HBP1: variants seen among roughly 807,000 people sequenced by gnomAD.
HBP1 encodes the protein HMG box-containing protein 1.
Under a neutral mutation model 62.6 loss-of-function variants are expected in HBP1, and 20 were observed. The observed-to-expected ratio is 0.32, with a 90% CI of 0.22 to 0.46. The LOEUF is 0.46. HBP1 is among the 20% of genes least tolerant of loss of function. The pLI is 1.00. For synonymous variants in HBP1, 232 were observed against 206.2 expected, an observed-to-expected ratio of 1.12 and a Z score of -1.07; for missense variants, 480 against 611.8, an observed-to-expected ratio of 0.78 and a Z score of 2.27.
chr7:107,179,390 T>A (rs1797004034), intron 1 of HBP1, among the ~76,000 whole-genome samples: 1 of 152,182 alleles, frequency 6.6e-6, no homozygotes, highest in Admixed American at 6.5e-5. Context: ...TAGTGCTGAG[T>A]ATTCAGTTGT....
Position 107,169,178 on chromosome 7 carries a change from C to T in HBP1, c.-23C>T. 1.0e-6 allele frequency: 1 copy of T among 969,030 alleles called. No individual in the cohort carries two copies. The highest frequency in any genetic ancestry group is 2.4e-5 in the South Asian group (1 of 40,910). 60.0% of individuals were successfully genotyped at this position (969,030 alleles called of 1,614,324 possible). On this transcript the variant is annotated 5_prime_UTR_variant, in exon 1 of 11. Coordinates refer to ENST00000222574, the MANE Select transcript of HBP1 (RefSeq NM_012257.4). ...GCCCGCGCCTGGGCTGCCGGCACTTCGCGGCAGGTTTGTTGTCTTTCAGTT... is the reference window on the plus strand; with the variant it reads ...GCCCGCGCCTGGGCTGCCGGCACTTTGCGGCAGGTTTGTTGTCTTTCAGTT...
chr7:107,190,412 C>G (rs1445008095), intron 8 of HBP1, 95 bp downstream of exon 8: 7 of 753,814 alleles, frequency 9.3e-6, no homozygotes, highest in Non-Finnish European at 1.5e-5. Flanking sequence ...GAAGTTCAGT[C>G]TTTAAAGATT....
At chr7:107,170,971 TAAC>T (rs1014370211) in intron 1 of HBP1, among the ~76,000 whole-genome samples, 147 of 141,712 alleles carry the variant, frequency 1.0e-3, no homozygotes, top group Non-Finnish European at 1.7e-3. Flanking sequence ...ATAAAATATA[TAAC>T]ATACATGTAT....
chr7:107,186,164 TTC>T (rs1388931656), intron 4 of HBP1, among the ~76,000 whole-genome samples, 195 bp from the exon 5 acceptor site: 10 of 145,968 alleles, frequency 6.9e-5, no homozygotes, highest in Non-Finnish European at 1.0e-4. Flanking sequence ...TTCTTTTTTT[TTC>T]TTTTTTTTTT....
intron 1 of HBP1, among the ~76,000 whole-genome samples, chr7:107,176,210 G>C (rs1796843742): frequency 6.6e-6 from 1 of 151,614 alleles, no homozygotes; most frequent in Admixed American, 6.6e-5. Context: ...ATTTTTAGTA[G>C]AGACTGAGTT....
At chr7:107,185,056 T>C (rs1797287357) in intron 3 of HBP1, among the ~76,000 whole-genome samples, 1 of 152,136 alleles carries the variant, frequency 6.6e-6, no homozygotes, top group Non-Finnish European at 1.5e-5. Flanking sequence ...GAATATCTGG[T>C]CTGTTTGTGA....
intron 1 of HBP1, among the ~76,000 whole-genome samples, chr7:107,176,125 A>G (rs1191453384): frequency 1.3e-5 from 2 of 151,304 alleles, no homozygotes. Context: ...TCCCGGGTTC[A>G]AGCGATTCTC....
intron 10 of HBP1, chr7:107,201,179 T>A (rs1798262651): frequency 5.3e-6 from 2 of 378,096 alleles, no homozygotes; most frequent in East Asian, 8.0e-5. Context: ...GAATTTCATG[T>A]GTTCGGACTT....
chr7:107,176,900 T>G (rs1267258566), intron 1 of HBP1, among the ~76,000 whole-genome samples: 1 of 152,192 alleles, frequency 6.6e-6, no homozygotes, highest in East Asian at 1.9e-4. Context: ...AGCGTTAATT[T>G]CTTCCAAATT....
intron 3 of HBP1, among the ~76,000 whole-genome samples, chr7:107,182,981 G>A (rs1298218631): frequency 6.6e-6 from 1 of 152,000 alleles, no homozygotes; most frequent in Non-Finnish European, 1.5e-5. Flanking sequence ...TTTGGTCTAG[G>A]TTTATTTCTT....
Position 107,196,013 on chromosome 7 carries a change from A to C in HBP1, c.1247A>C (p.Lys416Thr). ...SQLSSNSLYA[K>T]AVKNHSSGTV... The stretch of plus-strand genomic sequence containing the variant: ...CTCTCTTCCAATTCTTTGTATGCTA[A>C]AGCTGTCAAAAACCACAGCTCAGGG... Residue 416 changes from lysine to threonine, a missense_variant, in exon 9 of 11, where the codon AAA becomes ACA. Transcript: ENST00000222574. 3 of 1,614,060 alleles carry C rather than the reference A, an allele frequency of 1.9e-6. No homozygotes were observed. The highest frequency in any genetic ancestry group is 1.6e-4 in the Middle Eastern group (1 of 6,062).
chr7:107,191,397 T>C (rs568044731), intron 8 of HBP1, among the ~76,000 whole-genome samples: 17 of 152,306 alleles, frequency 1.1e-4, no homozygotes, highest in Non-Finnish European at 2.5e-4. Flanking sequence ...ACTCCTATGT[T>C]TTGGTGAGAC....
At chr7:107,186,143 GTGTCTTTTTTT>G (rs1394427907) in intron 4 of HBP1, among the ~76,000 whole-genome samples, 1 of 134,516 alleles carries the variant, frequency 7.4e-6, no homozygotes, top group African/African-American at 2.7e-5. Flanking sequence ...TGTTTTGTGT[GTGTCTTTTTTT>G]TCTTTTTTTT....
Position 107,186,660 on chromosome 7 carries a change from T to A in HBP1, c.744T>A (p.Asp248Glu). 6.2e-7 allele frequency: 1 copy of A among 1,601,714 alleles called. No homozygotes were observed. Among genetic ancestry groups the A allele is most frequent in the Non-Finnish European group, 8.5e-7 (1 of 1,170,882 alleles). The change falls in exon 6 of 11, where the codon GAT becomes GAA. Residue 248 changes from aspartate (D) to glutamate (E), a missense_variant. Around this residue, in one of 4 missense-constraint regions of HBP1, gnomAD observed 304 missense variants for 330.9 expected, o/e 0.92. Coordinates refer to ENST00000222574, the MANE Select transcript of HBP1 (RefSeq NM_012257.4). Reference protein sequence around the residue: ...ARAEGCDNEEDLQMGIHKGYG... With the variant: ...ARAEGCDNEEELQMGIHKGYG... ...CTGAAGGCTGTGATAATGAGGAAGA[T>A]CTTCAAATGGGCATTCACAAGGTTG...
chr7:107,179,215 A>T (rs937894860), intron 1 of HBP1, among the ~76,000 whole-genome samples: 2 of 148,810 alleles, frequency 1.3e-5, no homozygotes, highest in African/African-American at 2.4e-5. Flanking sequence ...TTCCTTTTGA[A>T]TTTGAAGGTA....
chr7:107,182,587 C>T lies in HBP1; in HGVS notation c.384C>T (p.Cys128=), dbSNP rs758054442. 1 of 1,566,510 alleles carries T rather than the reference C, an allele frequency of 6.4e-7. No homozygotes were observed. Among genetic ancestry groups the T allele is most frequent in the Non-Finnish European group, 8.8e-7 (1 of 1,137,250 alleles). Reference sequence around the variant, plus strand: ...GTCCACAAAGTCCACTGATGCAGTGCTCATTTTACAATAGGTAGGAGCATT... The same window carrying T: ...GTCCACAAAGTCCACTGATGCAGTGTTCATTTTACAATAGGTAGGAGCATT... ...ATSPQSPLMQ[C]SFYNRSSPVH... The change falls in exon 3 of 11, where the codon TGC becomes TGT. Residue 128 remains cysteine (C), a synonymous_variant. Transcript: ENST00000222574.
At chr7:107,171,602 C>G (rs1172212837) in intron 1 of HBP1, among the ~76,000 whole-genome samples, 1 of 152,106 alleles carries the variant, frequency 6.6e-6, no homozygotes, top group Non-Finnish European at 1.5e-5. Flanking sequence ...CACGGTGTCT[C>G]ACGCCTGTCC....
chr7:107,200,150 T>C lies in HBP1; in HGVS notation c.1386-10T>C. Reference sequence around the variant, plus strand: ...GTGCTTTCAGCATTGTGTAAATATTTATTTTACAGAGCCATAAGTGTGATC... The same window carrying C: ...GTGCTTTCAGCATTGTGTAAATATTCATTTTACAGAGCCATAAGTGTGATC... On this transcript the variant is annotated splice_polypyrimidine_tract_variant and intron_variant, in intron 9 of 10. Coordinates refer to ENST00000222574, the MANE Select transcript of HBP1 (RefSeq NM_012257.4). 2 of 1,563,814 alleles carry C rather than the reference T, an allele frequency of 1.3e-6. No homozygotes were observed. The highest frequency in any genetic ancestry group is 1.7e-6 in the Non-Finnish European group (2 of 1,156,046).
chr7:107,170,959 A>G (rs575228494), intron 1 of HBP1, among the ~76,000 whole-genome samples: 23 of 143,146 alleles, frequency 1.6e-4, no homozygotes, highest in South Asian at 4.3e-4. Flanking sequence ...ACATGTATAT[A>G]TATAAAATAT....
Sources: gnomAD v4.1 joint callset for allele counts (sites outside exome capture counted in the v4.1 genomes callset) on GRCh38, gnomAD v4.1.1 for gene constraint, gnomAD v4.1.1 regional missense constraint, MANE v1.5 for transcripts, NCBI Gene and HGNC (gene_info 2026-07-23, HGNC 2026-07-21) for gene names.